The following FBLN2 variants were observed in gnomAD, a reference collection of about 807,000 sequenced individuals.
FBLN2 encodes the protein fibulin 2, also known as fibulin-2.
FBLN2 carries 81 observed loss-of-function variants against 123.7 expected under a neutral mutation model. The ratio of observed to expected loss-of-function variants is 0.65; its 90% CI spans 0.55 to 0.79. The LOEUF is 0.79. Among genes scored for constraint, FBLN2 ranks in the 30% least tolerant of loss-of-function variants. The probability of loss-of-function intolerance (pLI) is 0.00; values close to 1 mark genes in which losing one functional copy is unlikely to be tolerated. For missense variants in FBLN2, 1,603 were observed against 1,681.3 expected, an observed-to-expected ratio of 0.95 and a Z score of 0.81; for synonymous variants, 699 against 701.4, an observed-to-expected ratio of 1.00 and a Z score of 0.05.
Position 13,637,664 on chromosome 3 carries a change from T to C in FBLN2, c.3441T>C (p.Pro1147=), listed in dbSNP as rs1335906897. The C allele has an allele frequency of 1.2e-6, 2 of 1,613,986 alleles. No homozygotes were observed. Among genetic ancestry groups the C allele is most frequent in the Non-Finnish European group, 1.7e-6 (2 of 1,179,880 alleles). ...ACTTCCAGACGGGCCTCCTGGTGCC[T>C]GCGCATATCTTCCGCATTGGCCCCG... The part of the protein sequence containing the change: ...QLNFQTGLLV[P]AHIFRIGPAP... Residue 1147 remains proline, a synonymous_variant, in exon 18 of 18, where the codon CCT becomes CCC. Transcript: ENST00000404922.
intron 4 of FBLN2, among the ~76,000 whole-genome samples, chr3:13,610,905 T>C (rs1339146702): frequency 7.0e-6 from 1 of 143,470 alleles, no homozygotes; most frequent in Non-Finnish European, 1.5e-5. Flanking sequence ...TAAATTATTA[T>C]TATTATTATT....
chr3:13,621,647 G>A (rs113844029), intron 8 of FBLN2, 128 bp from the exon 9 acceptor site: 2 of 947,578 alleles, frequency 2.1e-6, no homozygotes, highest in Non-Finnish European at 3.2e-6. Flanking sequence ...GCTACACACA[G>A]TCAGGCGGGG....
At position 13,571,027 on chromosome 3, in the gene FBLN2, C is replaced by G. The variant is rs112488952; in HGVS notation, c.672C>G (p.Gly224=). ...TCCAGGCGGGTGCAGTCCAGGCAGGCGCAGGGGGCCCCCCAGCTGCTCTGG... is the reference window on the plus strand; with the variant it reads ...TCCAGGCGGGTGCAGTCCAGGCAGGGGCAGGGGGCCCCCCAGCTGCTCTGG... ...GEVQAGAVQA[G]AGGPPAALGG... is the part of the protein sequence containing the mutation. Residue 224 remains glycine, a synonymous_variant, in exon 2 of 18, where the codon GGC becomes GGG. Transcript: ENST00000404922. The G allele has an allele frequency of 8.9e-4, 1,406 of 1,578,820 alleles. 10 individuals are homozygous for G. The African/African-American group carries it at 0.017, about 19-fold the overall frequency.
intron 1 of FBLN2, among the ~76,000 whole-genome samples, chr3:13,566,982 C>T (rs1207229181): frequency 6.6e-6 from 1 of 152,226 alleles, no homozygotes; most frequent in Non-Finnish European, 1.5e-5. Context: ...CCTGGGGTTG[C>T]GCAGCAAATG....
rs1258801106 is a variant in FBLN2 at position 13,571,251 on chromosome 3, G to T, written c.896G>T (p.Gly299Val). Residue 299 changes from glycine (G) to valine (V), a missense_variant, in exon 2 of 18, where the codon GGT becomes GTT. Gly to Val is a moderately radical substitution (Grantham distance 109). Coordinates refer to ENST00000404922, the MANE Select transcript of FBLN2 (RefSeq NM_001004019.2). ...EMAVTEQLAAGGHRGLDGLPT... is the reference protein window; with the variant it reads ...EMAVTEQLAAVGHRGLDGLPT... Reference sequence around the variant, plus strand: ...GCTGTCACTGAGCAGCTGGCAGCAGGTGGCCACAGGGGGCTGGATGGGCTG... The same window carrying T: ...GCTGTCACTGAGCAGCTGGCAGCAGTTGGCCACAGGGGGCTGGATGGGCTG... The T allele has an allele frequency of 1.9e-6, 3 of 1,568,262 alleles. No homozygotes were observed. The highest frequency in any genetic ancestry group is 3.3e-4 in the Middle Eastern group (2 of 6,008).
intron 2 of FBLN2, among the ~76,000 whole-genome samples, chr3:13,577,506 T>C (rs1704189213): frequency 1.3e-5 from 2 of 152,154 alleles, no homozygotes; most frequent in Non-Finnish European, 2.9e-5. Context: ...TGGCTTCTAC[T>C]CTGAGGTGAG....
intron 2 of FBLN2, among the ~76,000 whole-genome samples, chr3:13,577,558 C>T (rs1704191073): frequency 6.6e-6 from 1 of 152,188 alleles, no homozygotes; most frequent in Non-Finnish European, 1.5e-5. Flanking sequence ...CACTGGCCAA[C>T]TTATGTGTTA....
intron 1 of FBLN2, among the ~76,000 whole-genome samples, chr3:13,552,848 T>C (rs993262590): frequency 1.3e-5 from 2 of 152,298 alleles, no homozygotes; most frequent in Admixed American, 6.5e-5. Flanking sequence ...GTGCTGGCAG[T>C]AGCCTCTGGT....
At chr3:13,582,398 C>G (rs1180646912) in intron 2 of FBLN2, among the ~76,000 whole-genome samples, 2 of 152,220 alleles carry the variant, frequency 1.3e-5, no homozygotes, top group African/African-American at 2.4e-5. Context: ...TACCTGCCAG[C>G]ACCTCCTCGA....
chr3:13,584,749 G>A (rs1704444375), intron 2 of FBLN2, among the ~76,000 whole-genome samples: 1 of 152,210 alleles, frequency 6.6e-6, no homozygotes, highest in African/African-American at 2.4e-5. Context: ...GTGCGGGTAT[G>A]GTGGTTGGGA....
chr3:13,599,943 G>A (rs562449210), intron 2 of FBLN2, among the ~76,000 whole-genome samples: 3 of 151,790 alleles, frequency 2.0e-5, no homozygotes, highest in South Asian at 2.1e-4. Context: ...CCAGGCCAGC[G>A]TGTGTTGGAG....
chr3:13,603,111 T>A (rs1241392866), intron 2 of FBLN2, among the ~76,000 whole-genome samples: 4 of 151,888 alleles, frequency 2.6e-5, no homozygotes, highest in Non-Finnish European at 2.9e-5. Flanking sequence ...CGAGGTTTCA[T>A]TATGTTGGCT....
At chr3:13,595,569 C>T (rs1430737064) in intron 2 of FBLN2, among the ~76,000 whole-genome samples, 1 of 152,160 alleles carries the variant, frequency 6.6e-6, no homozygotes, top group Admixed American at 6.5e-5. Flanking sequence ...CTGGCGGGAA[C>T]ATCAGGGCTG....
intron 7 of FBLN2, among the ~76,000 whole-genome samples, chr3:13,619,393 C>CT (rs753346340): frequency 2.6e-5 from 4 of 152,202 alleles, no homozygotes; most frequent in Non-Finnish European, 4.4e-5. Flanking sequence ...CCTTCCCCTG[C>CT]TTTTTTCCCT....
At chr3:13,588,411 G>A (rs371007028) in intron 2 of FBLN2, among the ~76,000 whole-genome samples, 1 of 152,242 alleles carries the variant, frequency 6.6e-6, no homozygotes, top group Non-Finnish European at 1.5e-5. Flanking sequence ...ATTGTGTGGG[G>A]TGAAGGGAAA....
chr3:13,565,789 G>T (rs949089312), intron 1 of FBLN2, among the ~76,000 whole-genome samples: 1 of 152,178 alleles, frequency 6.6e-6, no homozygotes, highest in African/African-American at 2.4e-5. Context: ...TGACCACCAG[G>T]GGCCATATGG....
At position 13,604,891 on chromosome 3, in the gene FBLN2, C is replaced by T. The variant is rs369642838; in HGVS notation, c.1307-3171C>T. Among the ~76,000 whole-genome samples the T allele has an allele frequency of 5.9e-5, 9 of 152,382 alleles. No individual in the cohort carries two copies. In the East Asian group the frequency reaches 1.7e-3, roughly 29 times the overall value. ...CGCAGCCGATGACCCTCAGTGAGCT[C>T]TTGCTCCGGTTGGAGTGTGCAGGTG... On this transcript the variant is annotated intron_variant, in intron 2 of 17. Coordinates refer to ENST00000404922, the MANE Select transcript of FBLN2 (RefSeq NM_001004019.2).
At chr3:13,615,408 T>G (rs964342943) in intron 5 of FBLN2, among the ~76,000 whole-genome samples, 1 of 152,208 alleles carries the variant, frequency 6.6e-6, no homozygotes, top group African/African-American at 2.4e-5. Flanking sequence ...GGATTTGTCC[T>G]GGGCACTTCA....
intron 5 of FBLN2, 110 bp from the exon 6 acceptor site, chr3:13,617,966 G>A (rs1705693332): frequency 4.4e-6 from 4 of 904,960 alleles, no homozygotes; most frequent in Non-Finnish European, 5.3e-6. Flanking sequence ...GCTGTCTGCT[G>A]GGCACACAGA....
Sources: allele counts gnomAD v4.1 joint callset (sites outside exome capture counted in the v4.1 genomes callset), GRCh38; gene constraint gnomAD v4.1.1; transcripts MANE v1.5; gene names NCBI Gene and HGNC (gene_info 2026-07-23, HGNC 2026-07-21).